The following NFIX variants were observed in gnomAD, a reference collection of about 807,000 sequenced individuals.
NFIX encodes the protein nuclear factor I X, also known as nuclear factor 1 X-type.
In NFIX, 2 loss-of-function variants were observed where a neutral mutation model predicts 53.3. That is an observed-to-expected ratio of 0.04 (90% CI 0.02 to 0.12). The LOEUF (loss-of-function observed/expected upper bound fraction) is 0.12. Ranked by LOEUF, NFIX falls within the 10% of genes least tolerant of loss-of-function variation. The pLI is 1.00. For synonymous variants in NFIX, 244 were observed against 289.0 expected (o/e 0.84, Z 1.58); for missense variants, 310 against 674.5 (o/e 0.46, Z 5.99).
At position 12,996,061 on chromosome 19, in the gene NFIX, G is replaced by A. The variant is rs2011454880; in HGVS notation, c.27+197G>A. Among the ~76,000 whole-genome samples the A allele has an allele frequency of 6.6e-6, 1 of 151,526 alleles. No individual in the cohort carries two copies. The highest frequency in any genetic ancestry group is 2.4e-5 in the African/African-American group (1 of 41,334). ...CCGTGCGCGTGCGACCCTGGCCACC[G>A]GGCGGACTCCTTTTGGGGGTTCCGG... On this transcript the variant is annotated intron_variant, in intron 1 of 10. Coordinates refer to ENST00000592199, the MANE Select transcript of NFIX (RefSeq NM_001365902.3). This position sits in a 1 kb window ranked among gnomAD's most constrained non-coding sequence, Gnocchi z 5.2.
intron 2 of NFIX, among the ~76,000 whole-genome samples, chr19:13,039,478 C>T (rs912864210): frequency 4.6e-5 from 7 of 152,196 alleles, no homozygotes; most frequent in African/African-American, 1.7e-4. Context: ...CCCTGGTGAG[C>T]CTGAGCTCTG....
In NFIX at chr19:13,094,738, C is replaced by A; in HGVS notation, c.*89C>A. On this transcript the variant is annotated 3_prime_UTR_variant, in exon 11 of 11. Coordinates refer to ENST00000592199, the MANE Select transcript of NFIX (RefSeq NM_001365902.3). The surrounding 1 kb of genome is among the most constrained non-coding windows in gnomAD (Gnocchi z 4.3). Reference sequence around the variant, plus strand: ...TTTTGAGAATGGAAAAATCCCCCAGCCCAGCCCAGCCCCACCGAAAAGCAA... The same window carrying A: ...TTTTGAGAATGGAAAAATCCCCCAGACCAGCCCAGCCCCACCGAAAAGCAA... The A allele has an allele frequency of 7.3e-7, 1 of 1,371,038 alleles. No homozygotes were observed. The highest frequency in any genetic ancestry group is 1.0e-6 in the Non-Finnish European group (1 of 1,001,346). 84.9% of individuals were successfully genotyped at this position (1,371,038 alleles called of 1,614,324 possible).
intron 1 of NFIX, among the ~76,000 whole-genome samples, chr19:13,007,463 T>C (rs1049992259): frequency 1.3e-5 from 2 of 152,204 alleles, no homozygotes; most frequent in African/African-American, 4.8e-5. Context: ...GCACCTGGTA[T>C]TGGCATCTGG....
intron 8 of NFIX, among the ~76,000 whole-genome samples, chr19:13,084,369 G>A (rs1321456618): frequency 6.6e-6 from 1 of 152,140 alleles, no homozygotes; most frequent in Non-Finnish European, 1.5e-5. Flanking sequence ...GCTTGAACCC[G>A]GGAGGCAGAG....
At chr19:13,029,745 G>A (rs1235505767) in intron 2 of NFIX, among the ~76,000 whole-genome samples, 1 of 152,198 alleles carries the variant, frequency 6.6e-6, no homozygotes, top group African/African-American at 2.4e-5. Flanking sequence ...CTGAAGATTT[G>A]TCTAAGTGAA....
In NFIX at chr19:13,052,586, G is replaced by A. The variant is rs926784412; in HGVS notation, c.560-20461G>A. ...GGGGGCACACTCCTGGCTTAGATAA[G>A]ACAATCCAGATTCTCTCAGAGAAAC... On this transcript the variant is annotated intron_variant, in intron 2 of 10. Transcript: ENST00000592199. The surrounding 1 kb of genome is among the most constrained non-coding windows in gnomAD (Gnocchi z 5.2). 5.9e-5 allele frequency among the ~76,000 whole-genome samples: 9 copies of A among 152,216 alleles called. No individual in the cohort carries two copies. Among genetic ancestry groups the A allele is most frequent in the Admixed American group, 2.0e-4 (3 of 15,282 alleles).
chr19:13,007,991 G>A (rs888462062), intron 1 of NFIX, among the ~76,000 whole-genome samples: 1 of 152,114 alleles, frequency 6.6e-6, no homozygotes, highest in Non-Finnish European at 1.5e-5. Context: ...TCATCCTGTG[G>A]CCTAAACACC....
At chr19:13,023,987 G>A (rs2013120552) in intron 1 of NFIX, 1 of 1,289,194 alleles carries the variant, frequency 7.8e-7, no homozygotes, top group Non-Finnish European at 1.0e-6. Context: ...TTTGAGTCCA[G>A]AATCTCAGAA....
At chr19:12,999,487 A>AAC (rs111890375) in intron 1 of NFIX, among the ~76,000 whole-genome samples, 1,620 of 149,484 alleles carry the variant, frequency 0.011, 17 homozygotes, top group South Asian at 0.015. Context: ...TACCTTTTCA[A>AAC]ACACACACAC....
chr19:13,094,852 C>T lies in NFIX; in HGVS notation c.*203C>T, dbSNP rs1405114285. 2 of 584,010 alleles carry T rather than the reference C, an allele frequency of 3.4e-6. No homozygotes were observed. The highest frequency in any genetic ancestry group is 6.1e-6 in the Non-Finnish European group (2 of 328,528). The allele number at this position is 584,010 out of a possible 1,614,324, so 36.2% of individuals were successfully genotyped here. On this transcript the variant is annotated 3_prime_UTR_variant, in exon 11 of 11. Coordinates refer to ENST00000592199, the MANE Select transcript of NFIX (RefSeq NM_001365902.3). The surrounding 1 kb of genome is among the most constrained non-coding windows in gnomAD (Gnocchi z 4.3). ...AGAAGCAGCCCAGTTCTCAGAGAGC[C>T]CTTGGAAGGGGTCTCGGTGGAGCTG...
At chr19:13,032,806 C>T (rs2013909976) in intron 2 of NFIX, among the ~76,000 whole-genome samples, 1 of 152,122 alleles carries the variant, frequency 6.6e-6, no homozygotes, top group South Asian at 2.1e-4. Flanking sequence ...CCATGTTTGT[C>T]CAAGGTTTCG....
At position 13,002,815 on chromosome 19, in the gene NFIX, G is replaced by A. The variant is rs1053941530; in HGVS notation, c.27+6951G>A. 4.6e-5 allele frequency among the ~76,000 whole-genome samples: 7 copies of A among 152,278 alleles called. No homozygotes were observed. Among genetic ancestry groups the A allele is most frequent in the Admixed American group, 2.0e-4 (3 of 15,298 alleles). On this transcript the variant is annotated intron_variant, in intron 1 of 10. Coordinates refer to ENST00000592199, the MANE Select transcript of NFIX (RefSeq NM_001365902.3). The surrounding 1 kb of genome is among the most constrained non-coding windows in gnomAD (Gnocchi z 6.1). ...CCCCACCCTGAGGGGAGCCGGGGGT[G>A]GTGGCCAGCAGTGGGCAGGGGGCAG...
intron 2 of NFIX, among the ~76,000 whole-genome samples, chr19:13,064,969 C>T (rs2016312838): frequency 6.6e-6 from 1 of 152,216 alleles, no homozygotes; most frequent in Non-Finnish European, 1.5e-5. Flanking sequence ...GGTGTTATCT[C>T]CCTTTTACAG....
At chr19:13,038,764 G>A (rs905493862) in intron 2 of NFIX, among the ~76,000 whole-genome samples, 28 of 152,164 alleles carry the variant, frequency 1.8e-4, no homozygotes, top group African/African-American at 6.5e-4. Context: ...TGCTGGCCTC[G>A]GACAGGGCCC....
intron 1 of NFIX, chr19:13,024,670 A>T: frequency 6.5e-7 from 1 of 1,536,378 alleles, no homozygotes; most frequent in South Asian, 1.2e-5. Flanking sequence ...CCTGGCGGGG[A>T]TACCAGCAGC....
At chr19:13,053,648 G>A (rs1159154500) in intron 2 of NFIX, among the ~76,000 whole-genome samples, 4 of 152,200 alleles carry the variant, frequency 2.6e-5, no homozygotes, top group Non-Finnish European at 5.9e-5. Context: ...AGGCAGAGAA[G>A]GATGTCAGTG....
At chr19:13,046,284 C>T (rs533374393) in intron 2 of NFIX, among the ~76,000 whole-genome samples, 4 of 152,108 alleles carry the variant, frequency 2.6e-5, no homozygotes, top group East Asian at 1.9e-4. Flanking sequence ...GGTGTGGGAA[C>T]GCAGCCCTGT....
chr19:13,048,123 C>T (rs2015105061), intron 2 of NFIX, among the ~76,000 whole-genome samples: 1 of 152,182 alleles, frequency 6.6e-6, no homozygotes, highest in Admixed American at 6.5e-5. Flanking sequence ...CTCAAGGCCA[C>T]CCACTAGCGA....
rs181602221 is a variant in NFIX, at chr19:12,998,581, G to T, written c.27+2717G>T. On this transcript the variant is annotated intron_variant, in intron 1 of 10. Coordinates refer to ENST00000592199, the MANE Select transcript of NFIX (RefSeq NM_001365902.3). The surrounding 1 kb of genome is among the most constrained non-coding windows in gnomAD (Gnocchi z 4.4). ...CTGAGTCTCAGGCGGAGAGAGGGGT[G>T]GGGGGTGGATGGATGGACCCCCATC... Among the ~76,000 whole-genome samples the T allele has an allele frequency of 1.6e-3, 243 of 152,154 alleles. No homozygotes were observed. The highest frequency in any genetic ancestry group is 5.6e-3 in the African/African-American group (233 of 41,476).
Sources: gnomAD v4.1 joint callset for allele counts (sites outside exome capture counted in the v4.1 genomes callset) on GRCh38, gnomAD v4.1.1 for gene constraint, Gnocchi (gnomAD v3.1) non-coding constraint, MANE v1.5 for transcripts, NCBI Gene and HGNC (gene_info 2026-07-23, HGNC 2026-07-21) for gene names.